Variants in PRKAG2 observed in about 807,000 individuals in gnomAD.
PRKAG2 encodes 5'-AMP-activated protein kinase subunit gamma-2.
In PRKAG2, 26 loss-of-function variants were observed where a neutral mutation model predicts 69.6. The observed-to-expected ratio is 0.37, with a 90% CI of 0.27 to 0.52. The LOEUF is 0.52. PRKAG2 is among the 20% of genes least tolerant of loss of function. PRKAG2 has a pLI of 0.90. For missense variants in PRKAG2, 557 were observed against 740.0 expected, an observed-to-expected ratio of 0.75 and a Z score of 2.87; for synonymous variants, 293 against 285.0, an observed-to-expected ratio of 1.03 and a Z score of -0.28.
At chr7:151,801,909 G>A (rs779917858) in intron 1 of PRKAG2, among the ~76,000 whole-genome samples, 2 of 152,188 alleles carry the variant, frequency 1.3e-5, no homozygotes, top group Non-Finnish European at 2.9e-5. Context: ...AAAAGTCGTC[G>A]TCTCTTGGGA....
chr7:151,677,364 A>T (rs1013148807), intron 3 of PRKAG2, among the ~76,000 whole-genome samples: 1 of 151,974 alleles, frequency 6.6e-6, no homozygotes, highest in African/African-American at 2.4e-5. Context: ...TCTTTTAAAA[A>T]TATTTTTAGT....
Position 151,705,922 on chromosome 7 carries a change from C to A in PRKAG2, c.467-30285G>T, listed in dbSNP as rs565646328. Reference sequence around the variant, plus strand: ...TATGATTTCACATCCCCCCGCCCCCCATCTGTGCACCTGCAACTCCCAAGT... The same window carrying A: ...TATGATTTCACATCCCCCCGCCCCCAATCTGTGCACCTGCAACTCCCAAGT... On this transcript the variant is annotated intron_variant, in intron 3 of 15. Coordinates refer to ENST00000287878, the MANE Select transcript of PRKAG2 (RefSeq NM_016203.4). Among the ~76,000 whole-genome samples, 26 of 152,250 alleles carry A rather than the reference C, an allele frequency of 1.7e-4. 1 individual carries two copies. Among genetic ancestry groups the A allele is most frequent in the Admixed American group, 1.6e-3 (25 of 15,300 alleles).
At chr7:151,648,379 G>T (rs910269663) in intron 4 of PRKAG2, among the ~76,000 whole-genome samples, 1 of 152,156 alleles carries the variant, frequency 6.6e-6, no homozygotes, top group Non-Finnish European at 1.5e-5. Context: ...CCGCCTGAAA[G>T]CATCTTGCAT....
At chr7:151,630,738 C>CG (rs1468328053) in intron 5 of PRKAG2, among the ~76,000 whole-genome samples, 1 of 152,196 alleles carries the variant, frequency 6.6e-6, no homozygotes, top group African/African-American at 2.4e-5. Flanking sequence ...TCTTATGGAA[C>CG]GGGCACACCA....
At chr7:151,803,320 G>A (rs73728301) in intron 1 of PRKAG2, among the ~76,000 whole-genome samples, 67 of 152,188 alleles carry the variant, frequency 4.4e-4, no homozygotes, top group African/African-American at 1.6e-3. Flanking sequence ...GATGATTTGC[G>A]ATTAAAACAC....
intron 3 of PRKAG2, among the ~76,000 whole-genome samples, chr7:151,758,775 T>A: frequency 6.6e-6 from 1 of 152,174 alleles, no homozygotes; most frequent in Non-Finnish European, 1.5e-5. Flanking sequence ...TAGGAAGTTA[T>A]CACGAGAGAA....
At chr7:151,743,354 C>T (rs185831041) in intron 3 of PRKAG2, among the ~76,000 whole-genome samples, 206 of 152,234 alleles carry the variant, frequency 1.4e-3, no homozygotes, top group African/African-American at 4.3e-3. Flanking sequence ...AGCAGTGCCC[C>T]GTGCTGTGTG....
At chr7:151,608,822 A>C (rs2151203191) in intron 5 of PRKAG2, among the ~76,000 whole-genome samples, 1 of 125,088 alleles carries the variant, frequency 8.0e-6, no homozygotes, top group East Asian at 2.5e-4. Context: ...AGGATTAGAC[A>C]TGGATTTTTT....
chr7:151,816,485 A>G (rs949855891), intron 1 of PRKAG2, among the ~76,000 whole-genome samples: 2 of 152,192 alleles, frequency 1.3e-5, no homozygotes, highest in African/African-American at 4.8e-5. Context: ...TGAAAAACCA[A>G]GCTGAGTGGA....
At chr7:151,829,965 C>A (rs954563842) in intron 1 of PRKAG2, among the ~76,000 whole-genome samples, 2 of 151,730 alleles carry the variant, frequency 1.3e-5, no homozygotes, top group African/African-American at 2.4e-5. Context: ...AATGAGCCTG[C>A]CTCCATTGGT....
At chr7:151,786,143 C>A (rs1381386757) in intron 2 of PRKAG2, among the ~76,000 whole-genome samples, 5 of 152,194 alleles carry the variant, frequency 3.3e-5, no homozygotes, top group African/African-American at 1.2e-4. Context: ...GTGACCGATA[C>A]CTTCCACCGG....
Position 151,735,465 on chromosome 7 carries a change from C to T in PRKAG2, c.466+45687G>A, listed in dbSNP as rs575384149. ...GTGTTTCCCCTCCCACATTAGCCCA[C>T]GATCTGTCAGATTACTCCGCTACGG... On this transcript the variant is annotated intron_variant, in intron 3 of 15. Coordinates refer to ENST00000287878, the MANE Select transcript of PRKAG2 (RefSeq NM_016203.4). Among the ~76,000 whole-genome samples the T allele has an allele frequency of 5.4e-4, 82 of 152,280 alleles. No individual in the cohort carries two copies. In the South Asian group the frequency reaches 0.015, roughly 27 times the overall value.
At chr7:151,646,148 G>A (rs1827522704) in intron 4 of PRKAG2, among the ~76,000 whole-genome samples, 1 of 152,104 alleles carries the variant, frequency 6.6e-6, no homozygotes, top group Admixed American at 6.5e-5. Context: ...CTCCAACTTT[G>A]TTCTTCATTT....
chr7:151,632,530 G>A lies in PRKAG2; in HGVS notation c.685-392C>T, dbSNP rs2151328869. Reference sequence around the variant, plus strand: ...CCCCGCCGTGCCGCCATTGGGAGAGGCCCGCGGCCCGCCCCCACTCCGCCC... The same window carrying A: ...CCCCGCCGTGCCGCCATTGGGAGAGACCCGCGGCCCGCCCCCACTCCGCCC... On this transcript the variant is annotated intron_variant, in intron 4 of 15. Coordinates refer to ENST00000287878, the MANE Select transcript of PRKAG2 (RefSeq NM_016203.4). The surrounding 1 kb of genome is among the most constrained non-coding windows in gnomAD (Gnocchi z 4.2). The A allele has an allele frequency of 2.1e-6, 2 of 972,706 alleles. No homozygotes were observed. Among genetic ancestry groups the A allele is most frequent in the African/African-American group, 1.8e-5 (1 of 56,924 alleles). 60.3% of individuals were successfully genotyped at this position (972,706 alleles called of 1,614,324 possible). A position where few individuals can be genotyped will look rare whatever the true frequency, so the allele number is the denominator to read the frequency against.
rs1044415384 is a variant in PRKAG2 at position 151,559,123 on chromosome 7, T to C, written c.1678+1401A>G. On this transcript the variant is annotated intron_variant, in intron 15 of 15. Coordinates refer to ENST00000287878, the MANE Select transcript of PRKAG2 (RefSeq NM_016203.4). The stretch of plus-strand genomic sequence containing the variant: ...TTAGCACAAATGTGCTGTGCAGTTA[T>C]GCCTGCCTGGAAATTTATATGAATT... 6 of 985,324 alleles carry C rather than the reference T, an allele frequency of 6.1e-6. No individual in the cohort carries two copies. In the African/African-American group the frequency reaches 8.7e-5, roughly 14 times the overall value. 61.0% of individuals were successfully genotyped at this position (985,324 alleles called of 1,614,324 possible).
At chr7:151,816,696 G>GC (rs1369167502) in intron 1 of PRKAG2, among the ~76,000 whole-genome samples, 3 of 152,216 alleles carry the variant, frequency 2.0e-5, no homozygotes, top group Non-Finnish European at 2.9e-5. Context: ...CCTGCAGCCA[G>GC]CCCCCCGGGC....
chr7:151,711,397 T>TGCTAA (rs1292729381), intron 3 of PRKAG2, among the ~76,000 whole-genome samples: 2 of 151,928 alleles, frequency 1.3e-5, no homozygotes, highest in Non-Finnish European at 1.5e-5. Context: ...GTACTGAGGG[T>TGCTAA]GCTAAGCTTA....
At position 151,557,469 on chromosome 7, in the gene PRKAG2, C is replaced by CA. The variant is rs199780905; in HGVS notation, c.1679-238dup. The CA allele has an allele frequency of 2.1e-3, 2,008 of 967,030 alleles. 6 individuals carry two copies. The highest frequency in any genetic ancestry group is 0.014 in the African/African-American group (770 of 56,406). The allele number at this position is 967,030 out of a possible 1,614,324, so 59.9% of individuals were successfully genotyped here. On this transcript the variant is annotated intron_variant, in intron 15 of 15. Coordinates refer to ENST00000287878, the MANE Select transcript of PRKAG2 (RefSeq NM_016203.4). ...AATATGTCAGATTTAACTTGGAAAA[C>CA]AAAAAAAAAGAATTCCACTCTTAAA...
intron 1 of PRKAG2, among the ~76,000 whole-genome samples, chr7:151,819,983 C>T (rs1346173611): frequency 6.6e-6 from 1 of 152,228 alleles, no homozygotes; most frequent in Non-Finnish European, 1.5e-5. Context: ...GGTCACATGG[C>T]TGTGTCCTTA....
Sources: allele counts gnomAD v4.1 joint callset (sites outside exome capture counted in the v4.1 genomes callset), GRCh38; gene constraint gnomAD v4.1.1; non-coding constraint Gnocchi (gnomAD v3.1); transcripts MANE v1.5; gene names NCBI Gene and HGNC (gene_info 2026-07-23, HGNC 2026-07-21).